The following CYP19A1 variants were observed in gnomAD, a reference collection of about 807,000 sequenced individuals.
CYP19A1 encodes the protein cytochrome P450 family 19 subfamily A member 1.
Under a neutral mutation model 44.4 loss-of-function variants are expected in CYP19A1, and 32 were observed. That is an observed-to-expected ratio of 0.72 (90% CI 0.54 to 0.97). The LOEUF is 0.97. Among genes scored for constraint, CYP19A1 ranks in the 50% least tolerant of loss-of-function variants. The pLI is 0.00. For missense variants in CYP19A1, 598 were observed against 637.8 expected (o/e 0.94, Z 0.67); for synonymous variants, 212 against 215.6 (o/e 0.98, Z 0.14).
chr15:51,214,335 G>A (rs868013855), intron 8 of CYP19A1, among the ~76,000 whole-genome samples: 7 of 152,326 alleles, frequency 4.6e-5, no homozygotes, highest in Non-Finnish European at 7.3e-5. Flanking sequence ...TGAAATTGAA[G>A]CAGAGACAGA....
Position 51,257,250 on chromosome 15 carries a change from G to A in CYP19A1, c.-38-14300C>T, listed in dbSNP as rs548840131. On this transcript the variant is annotated intron_variant, in intron 1 of 9. Coordinates refer to ENST00000396402, the MANE Select transcript of CYP19A1 (RefSeq NM_000103.4). ...ATTCTATTCTCATATCCACTTTACA[G>A]ATGTGGCTTGGCAATATTAGGTAAC... is the stretch of plus-strand genomic sequence containing the variant. Among the ~76,000 whole-genome samples, 6 of 152,312 alleles carry A rather than the reference G, an allele frequency of 3.9e-5. No homozygotes were observed. The East Asian group carries it at 1.2e-3, about 29-fold the overall frequency.
intron 1 of CYP19A1, among the ~76,000 whole-genome samples, chr15:51,306,833 C>G (rs909811427): frequency 1.3e-5 from 2 of 152,088 alleles, no homozygotes; most frequent in African/African-American, 2.4e-5. Context: ...TATCTAGAGT[C>G]CAGGCAACCA....
rs866989853 is a variant in CYP19A1 at position 51,242,210 on chromosome 15, A to G, written c.145+558T>C. Reference sequence around the variant, plus strand: ...GAGTGGTCCCCATTTTTCTCCCACTACCAGGCTCCCATAAGGGTCGAATGG... The same window carrying G: ...GAGTGGTCCCCATTTTTCTCCCACTGCCAGGCTCCCATAAGGGTCGAATGG... On this transcript the variant is annotated intron_variant, in intron 2 of 9. Coordinates refer to ENST00000396402, the MANE Select transcript of CYP19A1 (RefSeq NM_000103.4). The G allele has an allele frequency of 6.5e-5, 10 of 153,772 alleles. No individual in the cohort carries two copies. In the Middle Eastern group the frequency reaches 2.6e-3, roughly 40 times the overall value. 9.5% of individuals were successfully genotyped at this position (153,772 alleles called of 1,614,324 possible).
At chr15:51,304,994 G>T (rs914140755) in intron 1 of CYP19A1, among the ~76,000 whole-genome samples, 12 of 146,974 alleles carry the variant, frequency 8.2e-5, no homozygotes, top group Non-Finnish European at 1.5e-4. Flanking sequence ...CCGCCTTCCA[G>T]GTTCAAGCGA....
intron 1 of CYP19A1, among the ~76,000 whole-genome samples, chr15:51,323,207 C>T (rs904713634): frequency 2.6e-5 from 4 of 152,174 alleles, no homozygotes; most frequent in Non-Finnish European, 5.9e-5. Flanking sequence ...TTGGGTGGCC[C>T]ACAATTGCTC....
chr15:51,225,136 C>T (rs1171350297), intron 4 of CYP19A1, among the ~76,000 whole-genome samples: 2 of 152,178 alleles, frequency 1.3e-5, no homozygotes, highest in African/African-American at 4.8e-5. Context: ...TGGGCTGCCC[C>T]TTCCTAATTC....
chr15:51,310,593 T>G (rs973577072), intron 1 of CYP19A1, among the ~76,000 whole-genome samples: 1 of 152,222 alleles, frequency 6.6e-6, no homozygotes, highest in Non-Finnish European at 1.5e-5. Context: ...AGAGAAAACC[T>G]GTCCCTTTGG....
At chr15:51,212,181 G>A (rs565961286) in intron 9 of CYP19A1, 139 bp downstream of exon 9, 40 of 760,900 alleles carry the variant, frequency 5.3e-5, no homozygotes, top group South Asian at 3.4e-4. Context: ...GCTAGGGGAC[G>A]TGTGTGCTCC....
chr15:51,235,713 T>C (rs553777614), intron 3 of CYP19A1, among the ~76,000 whole-genome samples: 1 of 152,336 alleles, frequency 6.6e-6, no homozygotes, highest in Non-Finnish European at 1.5e-5. Context: ...TGGTATTTTA[T>C]GAGATGATGT....
At chr15:51,213,128 T>C (rs2031197393) in intron 8 of CYP19A1, among the ~76,000 whole-genome samples, 1 of 152,198 alleles carries the variant, frequency 6.6e-6, no homozygotes, top group Non-Finnish European at 1.5e-5. Flanking sequence ...TGAAATTTTC[T>C]CTTCTGGTTA....
chr15:51,218,431 G>A (rs1466977568), intron 6 of CYP19A1, 110 bp downstream of exon 6: 5 of 1,474,172 alleles, frequency 3.4e-6, no homozygotes, highest in African/African-American at 1.4e-5. Context: ...TCCCTTGTGG[G>A]CTCTAGAGAG....
intron 3 of CYP19A1, among the ~76,000 whole-genome samples, chr15:51,230,256 G>T (rs888415930): frequency 4.6e-5 from 7 of 152,214 alleles, no homozygotes; most frequent in African/African-American, 1.7e-4. Context: ...GACAGGCCTG[G>T]CTCTGGCTTG....
chr15:51,325,568 C>G (rs1018808960), intron 1 of CYP19A1, among the ~76,000 whole-genome samples: 1 of 152,136 alleles, frequency 6.6e-6, no homozygotes, highest in East Asian at 1.9e-4. Context: ...GGCCAGGCGC[C>G]ATGGCTCATG....
At chr15:51,282,342 G>T (rs1404384362) in intron 1 of CYP19A1, among the ~76,000 whole-genome samples, 1 of 152,168 alleles carries the variant, frequency 6.6e-6, no homozygotes, top group East Asian at 1.9e-4. Flanking sequence ...GTGGCCTCTG[G>T]AATGAGTCTA....
intron 4 of CYP19A1, among the ~76,000 whole-genome samples, chr15:51,226,374 C>T (rs947000214): frequency 2.0e-5 from 3 of 152,316 alleles, no homozygotes; most frequent in South Asian, 4.1e-4. Context: ...CCATGTCAGA[C>T]TTCTGACCTA....
chr15:51,281,215 C>A (rs910853437), intron 1 of CYP19A1, among the ~76,000 whole-genome samples: 5 of 152,198 alleles, frequency 3.3e-5, no homozygotes, highest in Admixed American at 6.5e-5. Context: ...CACTCCTACC[C>A]CAGGAAGACT....
chr15:51,294,848 A>G (rs1445706660), intron 1 of CYP19A1, among the ~76,000 whole-genome samples: 2 of 152,120 alleles, frequency 1.3e-5, no homozygotes, highest in South Asian at 2.1e-4. Flanking sequence ...AGAACGGGCC[A>G]TGATGACAAT....
intron 1 of CYP19A1, among the ~76,000 whole-genome samples, chr15:51,243,247 A>G (rs1282532243): frequency 6.6e-6 from 1 of 152,138 alleles, no homozygotes; most frequent in Admixed American, 6.5e-5. Flanking sequence ...TGCATTCCCA[A>G]TTGAAAGCCA....
intron 1 of CYP19A1, among the ~76,000 whole-genome samples, chr15:51,308,675 C>T (rs188353041): frequency 3.9e-5 from 6 of 152,156 alleles, no homozygotes; most frequent in Admixed American, 2.6e-4. Flanking sequence ...TCTTAGAGGC[C>T]GGCGCAGTAG....
Sources: gnomAD v4.1 joint callset for allele counts (sites outside exome capture counted in the v4.1 genomes callset) on GRCh38, gnomAD v4.1.1 for gene constraint, MANE v1.5 for transcripts, NCBI Gene and HGNC (gene_info 2026-07-23, HGNC 2026-07-21) for gene names.